The following PLSCR2 variants were observed in gnomAD, a reference collection of about 807,000 sequenced individuals.
The protein encoded by PLSCR2 is phospholipid scramblase 2, also known as PL scramblase 2.
Under a neutral mutation model 25.3 loss-of-function variants are expected in PLSCR2, and 18 were observed. That is an observed-to-expected ratio of 0.71 (90% confidence interval 0.49 to 1.06). The LOEUF (loss-of-function observed/expected upper bound fraction) is 1.06. Ranked by LOEUF, PLSCR2 falls within the 50% of genes least tolerant of loss-of-function variation. The probability of loss-of-function intolerance (pLI) is 0.00; values close to 1 mark genes in which losing one functional copy is unlikely to be tolerated. For missense variants in PLSCR2, 243 were observed against 269.5 expected (o/e 0.90, Z 0.69); for synonymous variants, 88 against 87.3 (o/e 1.01, Z -0.04).
chr3:146,397,698 C>T (rs954820095), intron 2 of PLSCR2, among the ~76,000 whole-genome samples: 9 of 152,102 alleles, frequency 5.9e-5, no homozygotes, highest in African/African-American at 1.4e-4. Flanking sequence ...GTATTATACT[C>T]TGAAATATAA....
At chr3:146,418,363 C>T (rs954327499) in intron 2 of PLSCR2, among the ~76,000 whole-genome samples, 1 of 152,180 alleles carries the variant, frequency 6.6e-6, no homozygotes. Flanking sequence ...CATCCAAAAT[C>T]TCACCATGTA....
intron 6 of PLSCR2, among the ~76,000 whole-genome samples, chr3:146,442,418 C>G (rs1349913893): frequency 6.6e-6 from 1 of 151,948 alleles, no homozygotes; most frequent in Non-Finnish European, 1.5e-5. Context: ...TGTCATCTCT[C>G]TCAAAATACC....
chr3:146,459,821 C>A (rs753315209), intron 2 of PLSCR2, 27 bp downstream of exon 2: 18 of 1,142,266 alleles, frequency 1.6e-5, no homozygotes, highest in Non-Finnish European at 2.0e-5. Flanking sequence ...TTTTTTTTTT[C>A]TGAGTATTTT....
intron 2 of PLSCR2, among the ~76,000 whole-genome samples, chr3:146,413,709 G>C (rs1304368566): frequency 3.3e-5 from 5 of 152,162 alleles, no homozygotes; most frequent in Non-Finnish European, 7.4e-5. Flanking sequence ...TCTGATCACA[G>C]TCACTTAAGT....
chr3:146,454,980 T>A (rs1284480916), intron 4 of PLSCR2, among the ~76,000 whole-genome samples: 1 of 152,182 alleles, frequency 6.6e-6, no homozygotes, highest in African/African-American at 2.4e-5. Flanking sequence ...AGGTGCCCTG[T>A]CTGACCTTTC....
chr3:146,443,662 G>A (rs143742732), intron 6 of PLSCR2, among the ~76,000 whole-genome samples: 1 of 151,244 alleles, frequency 6.6e-6, no homozygotes, highest in Non-Finnish European at 1.5e-5. Context: ...TTTCTTAGTT[G>A]GTCAGGCTAA....
chr3:146,474,293 T>C (rs963612860), intron 1 of PLSCR2, among the ~76,000 whole-genome samples: 3 of 152,194 alleles, frequency 2.0e-5, no homozygotes, highest in African/African-American at 7.2e-5. Flanking sequence ...GAGGGTTTTA[T>C]TTCTTTTCAA....
At chr3:146,446,111 A>G (rs901115678) in intron 6 of PLSCR2, among the ~76,000 whole-genome samples, 11 of 152,148 alleles carry the variant, frequency 7.2e-5, no homozygotes, top group Admixed American at 1.3e-4. Context: ...TTCTCTGTCC[A>G]TAAGTTCACA....
At chr3:146,483,509 A>ATATATATATATATAC (rs1553791539) in intron 1 of PLSCR2, among the ~76,000 whole-genome samples, 1 of 127,062 alleles carries the variant, frequency 7.9e-6, no homozygotes, top group Admixed American at 7.9e-5. Flanking sequence ...ATATATATAT[A>ATATATATATATATAC]ATGTTACTAC....
chr3:146,435,702 T>A (rs576969638), intron 8 of PLSCR2, among the ~76,000 whole-genome samples: 1 of 152,310 alleles, frequency 6.6e-6, no homozygotes, highest in African/African-American at 2.4e-5. Flanking sequence ...ATTGTAAAAA[T>A]TTTCTCCCAT....
intron 1 of PLSCR2, among the ~76,000 whole-genome samples, chr3:146,481,965 A>G (rs2043146564): frequency 6.6e-6 from 1 of 152,244 alleles, no homozygotes; most frequent in African/African-American, 2.4e-5. Flanking sequence ...TGACAAGAAC[A>G]AAAAATGAAG....
chr3:146,493,341 A>G (rs1330062746), intron 1 of PLSCR2, among the ~76,000 whole-genome samples: 1 of 152,166 alleles, frequency 6.6e-6, no homozygotes, highest in Non-Finnish European at 1.5e-5. Context: ...AAACACTACA[A>G]ATGAAAATCT....
intron 3 of PLSCR2, 52 bp downstream of exon 3, chr3:146,458,359 T>G (rs1290299502): frequency 2.1e-6 from 3 of 1,408,540 alleles, no homozygotes; most frequent in Non-Finnish European, 2.9e-6. Context: ...TATCTTTATT[T>G]GCATAAACTT....
chr3:146,457,776 T>G (rs767177009), intron 3 of PLSCR2, among the ~76,000 whole-genome samples: 2 of 152,222 alleles, frequency 1.3e-5, no homozygotes, highest in Non-Finnish European at 2.9e-5. Flanking sequence ...GTAAAGTGAG[T>G]GAATCCCTTA....
chr3:146,471,907 ATTT>A (rs2042133010), intron 1 of PLSCR2, among the ~76,000 whole-genome samples: 1 of 152,158 alleles, frequency 6.6e-6, no homozygotes, highest in Admixed American at 6.5e-5. Flanking sequence ...CTTGAAACTT[ATTT>A]AAGGTTGCTT....
chr3:146,394,521 C>A (rs1424689831), intron 3 of PLSCR2, among the ~76,000 whole-genome samples: 1 of 152,192 alleles, frequency 6.6e-6, no homozygotes, highest in East Asian at 1.9e-4. Flanking sequence ...CCACCTCGCC[C>A]TCCCAAAGTG....
chr3:146,460,289 G>C (rs1368828323), exon 1 of PLSCR2: 13 of 1,180,434 alleles, frequency 1.1e-5, no homozygotes, highest in Non-Finnish European at 1.4e-5. Flanking sequence ...GGTTCACTGT[G>C]AATAGAGTCG....
chr3:146,455,041 C>G (rs961534438), intron 4 of PLSCR2, among the ~76,000 whole-genome samples, 198 bp downstream of exon 4: 1 of 152,180 alleles, frequency 6.6e-6, no homozygotes, highest in Non-Finnish European at 1.5e-5. Context: ...CCCCATGAGG[C>G]AGACTGCTGC....
intron 6 of PLSCR2, among the ~76,000 whole-genome samples, chr3:146,446,726 T>C (rs1194903098): frequency 6.6e-6 from 1 of 152,148 alleles, no homozygotes; most frequent in Non-Finnish European, 1.5e-5. Context: ...GTCAGGATTG[T>C]ATCCTTCCTT....
Sources: gnomAD v4.1 joint callset for allele counts (sites outside exome capture counted in the v4.1 genomes callset) on GRCh38, gnomAD v4.1.1 for gene constraint, MANE v1.5 for transcripts, NCBI Gene and HGNC (gene_info 2026-07-23, HGNC 2026-07-21) for gene names.